Variants in CLSTN2 observed in about 807,000 individuals in gnomAD.
CLSTN2 encodes calsyntenin 2, also known as calsyntenin-2.
CLSTN2 carries 48 observed loss-of-function variants against 101.2 expected under a neutral mutation model. That is an observed-to-expected ratio of 0.47 (90% confidence interval 0.38 to 0.60). CLSTN2 has a LOEUF of 0.60. Ranked by LOEUF, CLSTN2 falls within the 20% of genes least tolerant of loss-of-function variation. The probability of loss-of-function intolerance (pLI) is 0.00; values close to 1 mark genes in which losing one functional copy is unlikely to be tolerated. For synonymous variants in CLSTN2, 481 were observed against 463.6 expected (o/e 1.04, Z -0.48); for missense variants, 1,160 against 1,238.2 (o/e 0.94, Z 0.95).
chr3:140,423,383 A>C (rs879712805), intron 5 of CLSTN2, among the ~76,000 whole-genome samples: 1 of 152,226 alleles, frequency 6.6e-6, no homozygotes, highest in Non-Finnish European at 1.5e-5. Context: ...AGAACCAGAC[A>C]TGAGGCAGGC....
At chr3:140,370,784 T>G (rs1421578316) in intron 2 of CLSTN2, among the ~76,000 whole-genome samples, 1 of 152,178 alleles carries the variant, frequency 6.6e-6, no homozygotes, top group African/African-American at 2.4e-5. Flanking sequence ...CTTTTTCTGA[T>G]GTGAAGCTCC....
At chr3:140,237,900 C>A (rs922701619) in intron 2 of CLSTN2, among the ~76,000 whole-genome samples, 1 of 152,178 alleles carries the variant, frequency 6.6e-6, no homozygotes, top group Non-Finnish European at 1.5e-5. Context: ...GCACAGTTAA[C>A]AATTACTCAG....
intron 1 of CLSTN2, among the ~76,000 whole-genome samples, chr3:140,134,103 G>T (rs2009563427): frequency 6.6e-6 from 1 of 152,162 alleles, no homozygotes. Context: ...TCCAGTGAGT[G>T]ACTGACTTGA....
intron 2 of CLSTN2, among the ~76,000 whole-genome samples, chr3:140,391,701 C>A (rs796112453): frequency 4.0e-5 from 6 of 151,806 alleles, no homozygotes; most frequent in African/African-American, 1.4e-4. Flanking sequence ...AATGACTAAG[C>A]AAATTATGAA....
chr3:140,310,453 C>T (rs989653230), intron 2 of CLSTN2, among the ~76,000 whole-genome samples: 1 of 152,144 alleles, frequency 6.6e-6, no homozygotes, highest in Non-Finnish European at 1.5e-5. Flanking sequence ...AGGCACCACC[C>T]GCTTCTCACA....
intron 2 of CLSTN2, among the ~76,000 whole-genome samples, chr3:140,327,968 AG>A (rs1463736346): frequency 2.6e-5 from 4 of 152,208 alleles, no homozygotes; most frequent in Non-Finnish European, 5.9e-5. Context: ...CTAGCACCTC[AG>A]GCCAGTTTTC....
intron 4 of CLSTN2, among the ~76,000 whole-genome samples, chr3:140,415,183 A>C: frequency 6.6e-6 from 1 of 152,044 alleles, no homozygotes; most frequent in Non-Finnish European, 1.5e-5. Flanking sequence ...ACACAAAAAT[A>C]AATTCAAAAT....
chr3:140,501,358 C>G (rs570251730), intron 8 of CLSTN2, among the ~76,000 whole-genome samples: 81 of 152,296 alleles, frequency 5.3e-4, no homozygotes, highest in African/African-American at 1.9e-3. Flanking sequence ...TTCCTCATAC[C>G]AGTCCTCCTG....
At chr3:140,301,786 C>A (rs969224236) in intron 2 of CLSTN2, among the ~76,000 whole-genome samples, 2 of 152,186 alleles carry the variant, frequency 1.3e-5, no homozygotes, top group Non-Finnish European at 2.9e-5. Context: ...GGCTGTGTGA[C>A]TGTCAAGCAG....
At chr3:140,277,258 G>T (rs2086803686) in intron 2 of CLSTN2, among the ~76,000 whole-genome samples, 1 of 152,170 alleles carries the variant, frequency 6.6e-6, no homozygotes, top group Non-Finnish European at 1.5e-5. Flanking sequence ...TTCAAGGAGG[G>T]GATGATGAGA....
At chr3:140,433,106 T>A (rs753273961) in intron 5 of CLSTN2, among the ~76,000 whole-genome samples, 1 of 152,178 alleles carries the variant, frequency 6.6e-6, no homozygotes, top group African/African-American at 2.4e-5. Flanking sequence ...AACACTGCCA[T>A]CTTTTGAGGC....
intron 1 of CLSTN2, among the ~76,000 whole-genome samples, chr3:139,952,217 GA>G (rs1424083701): frequency 6.6e-6 from 1 of 152,190 alleles, no homozygotes; most frequent in Non-Finnish European, 1.5e-5. Context: ...ATGTATTTCT[GA>G]AATGAGAAGA....
At chr3:140,517,531 C>T (rs140636280) in intron 8 of CLSTN2, among the ~76,000 whole-genome samples, 158 of 152,176 alleles carry the variant, frequency 1.0e-3, no homozygotes, top group African/African-American at 3.7e-3. Context: ...TGGAACTTTC[C>T]CCCTTCCCCT....
At chr3:140,056,972 G>A (rs1421663882) in intron 1 of CLSTN2, among the ~76,000 whole-genome samples, 3 of 152,128 alleles carry the variant, frequency 2.0e-5, no homozygotes, top group Admixed American at 6.5e-5. Context: ...TCCCTTGCTA[G>A]AGTTTTCTGC....
At chr3:140,103,225 T>C (rs1576427729) in intron 1 of CLSTN2, among the ~76,000 whole-genome samples, 1 of 152,096 alleles carries the variant, frequency 6.6e-6, no homozygotes, top group South Asian at 2.1e-4. Flanking sequence ...TAATCTTGTT[T>C]TGATGAGAGG....
intron 2 of CLSTN2, among the ~76,000 whole-genome samples, chr3:140,262,203 G>GA (rs765945605): frequency 1.1e-4 from 16 of 152,236 alleles, no homozygotes; most frequent in East Asian, 1.9e-4. Flanking sequence ...AGTAGAATAT[G>GA]AAAAAAAGTA....
chr3:140,143,621 C>T (rs1014774794), intron 1 of CLSTN2, among the ~76,000 whole-genome samples: 1 of 152,192 alleles, frequency 6.6e-6, no homozygotes, highest in Admixed American at 6.5e-5. Flanking sequence ...AAATTAACCA[C>T]CACCAGATTC....
intron 1 of CLSTN2, among the ~76,000 whole-genome samples, chr3:139,940,670 A>G (rs1576370698): frequency 2.0e-5 from 3 of 152,204 alleles, no homozygotes; most frequent in African/African-American, 7.2e-5. Context: ...ACCTGTGTGT[A>G]AATATCATAT....
intron 2 of CLSTN2, among the ~76,000 whole-genome samples, chr3:140,393,303 C>A (rs1457828688): frequency 6.6e-6 from 1 of 152,190 alleles, no homozygotes; most frequent in Non-Finnish European, 1.5e-5. Flanking sequence ...TACCTGTCAG[C>A]ATGATTTGCA....
Sources: allele counts gnomAD v4.1 joint callset (sites outside exome capture counted in the v4.1 genomes callset), GRCh38; gene constraint gnomAD v4.1.1; transcripts MANE v1.5; gene names NCBI Gene and HGNC (gene_info 2026-07-23, HGNC 2026-07-21).